Variants in NUDCD3 observed in about 807,000 individuals in gnomAD.
NUDCD3 encodes nudC domain-containing protein 3.
Under a neutral mutation model 39.7 loss-of-function variants are expected in NUDCD3, and 13 were observed. The observed-to-expected ratio is 0.33, with a 90% CI of 0.21 to 0.52. The LOEUF (loss-of-function observed/expected upper bound fraction) is 0.52. Ranked by LOEUF, NUDCD3 falls within the 20% of genes least tolerant of loss-of-function variation. The pLI, the probability that NUDCD3 is intolerant of heterozygous loss-of-function variation, is 0.96. For synonymous variants in NUDCD3, 175 were observed against 172.4 expected (o/e 1.02, Z -0.12); for missense variants, 453 against 458.1 (o/e 0.99, Z 0.10).
intron 2 of NUDCD3, among the ~76,000 whole-genome samples, chr7:44,476,021 A>C (rs1800361802): frequency 6.6e-6 from 1 of 152,192 alleles, no homozygotes; most frequent in South Asian, 2.1e-4. Context: ...GGTCTCATTC[A>C]ATCCTCACCA....
intron 2 of NUDCD3, among the ~76,000 whole-genome samples, chr7:44,473,081 G>C (rs1800288096): frequency 8.8e-6 from 1 of 113,698 alleles, no homozygotes; most frequent in African/African-American, 3.3e-5. Context: ...CACACCCCTT[G>C]GGGACTCATT....
chr7:44,427,419 G>A lies in NUDCD3; in HGVS notation c.642+152C>T, dbSNP rs1055486295. 39 of 793,168 alleles carry A rather than the reference G, an allele frequency of 4.9e-5. No individual in the cohort carries two copies. In the African/African-American group the frequency reaches 6.3e-4, roughly 13 times the overall value. 49.1% of individuals were successfully genotyped at this position (793,168 alleles called of 1,614,324 possible). On this transcript the variant is annotated intron_variant, in intron 3 of 5. Transcript: ENST00000355451. ...ACAGAATAAGGGGAGCAAGGATGGT[G>A]TGCTCAGCTCATTCCGAGGGCAGGA...
chr7:44,427,517 C>A, intron 3 of NUDCD3, 54 bp downstream of exon 3: 1 of 1,574,976 alleles, frequency 6.3e-7, no homozygotes, highest in Non-Finnish European at 8.6e-7. Context: ...TTCCCTGCAA[C>A]AGCTTTGACT....
rs1195004863 is a variant in NUDCD3 at position 44,381,118 on chromosome 7, T to A, written c.*4893A>T. The A allele has an allele frequency of 2.0e-5, 3 of 152,254 alleles. No homozygotes were observed. Among genetic ancestry groups the A allele is most frequent in the Non-Finnish European group, 2.9e-5 (2 of 68,106 alleles). The allele number at this position is 152,254 out of a possible 1,614,324, so 9.4% of individuals were successfully genotyped here. The stretch of plus-strand genomic sequence containing the variant: ...TTGATGGGTGATCAATGCTGGAGGA[T>A]CCTCCCTCTGCCTTCCCCATCCAAC... On this transcript the variant is annotated 3_prime_UTR_variant, in exon 6 of 6. Transcript: ENST00000355451.
Position 44,385,961 on chromosome 7 carries a change from G to C in NUDCD3, c.*50C>G. The C allele has an allele frequency of 1.1e-6, 1 of 931,502 alleles. No homozygotes were observed. Among genetic ancestry groups the C allele is most frequent in the Non-Finnish European group, 1.8e-6 (1 of 559,376 alleles). The allele number at this position is 931,502 out of a possible 1,614,324, so 57.7% of individuals were successfully genotyped here. On this transcript the variant is annotated 3_prime_UTR_variant, in exon 6 of 6. Coordinates refer to ENST00000355451, the MANE Select transcript of NUDCD3 (RefSeq NM_015332.4). ...GCAGGGAGCCAAGAAGGGCAGCCGA[G>C]GATAAGGCTCTGCCTCCCCACCGGC...
intron 2 of NUDCD3, among the ~76,000 whole-genome samples, chr7:44,445,624 G>A (rs977990931): frequency 5.9e-5 from 9 of 152,148 alleles, no homozygotes; most frequent in African/African-American, 1.9e-4. Flanking sequence ...AGGGGAGGAG[G>A]GGTGGGTTGT....
At chr7:44,461,438 T>C (rs947506448) in intron 2 of NUDCD3, among the ~76,000 whole-genome samples, 3 of 152,174 alleles carry the variant, frequency 2.0e-5, no homozygotes, top group Non-Finnish European at 4.4e-5. Flanking sequence ...AGAAGTCTTC[T>C]CTTAAAATCA....
chr7:44,403,623 G>A (rs1359554353), intron 4 of NUDCD3, among the ~76,000 whole-genome samples: 6 of 152,210 alleles, frequency 3.9e-5, no homozygotes, highest in Non-Finnish European at 5.9e-5. Context: ...CTGCCAGTCA[G>A]CACTGGCCAG....
chr7:44,417,215 A>G (rs1799045098), intron 3 of NUDCD3, among the ~76,000 whole-genome samples: 1 of 152,236 alleles, frequency 6.6e-6, no homozygotes, highest in Non-Finnish European at 1.5e-5. Context: ...CCTTGGTGAT[A>G]GTAGAGCCAC....
At chr7:44,392,256 G>C (rs1798531517) in intron 5 of NUDCD3, 41 bp downstream of exon 5, 1 of 1,580,296 alleles carries the variant, frequency 6.3e-7, no homozygotes, top group African/African-American at 1.3e-5. Context: ...ACCAGCACAA[G>C]GGCCTAAAGG....
chr7:44,448,137 T>C (rs796597807), intron 2 of NUDCD3, among the ~76,000 whole-genome samples: 22 of 152,362 alleles, frequency 1.4e-4, no homozygotes, highest in African/African-American at 5.1e-4. Flanking sequence ...TCTACTCCCA[T>C]GTGCCTTCAG....
At chr7:44,406,743 T>A (rs747187841) in intron 3 of NUDCD3, among the ~76,000 whole-genome samples, 11 of 151,936 alleles carry the variant, frequency 7.2e-5, no homozygotes, top group Admixed American at 1.3e-4. Context: ...GCAGGCATAA[T>A]AGGCATGAAG....
intron 3 of NUDCD3, among the ~76,000 whole-genome samples, chr7:44,412,479 C>T (rs943945029): frequency 6.6e-6 from 1 of 152,162 alleles, no homozygotes; most frequent in Non-Finnish European, 1.5e-5. Context: ...ACGCCTGTAT[C>T]TAATCAAATA....
At chr7:44,427,217 C>T (rs1213160030) in intron 3 of NUDCD3, among the ~76,000 whole-genome samples, 1 of 152,122 alleles carries the variant, frequency 6.6e-6, no homozygotes, top group East Asian at 1.9e-4. Context: ...TTTGAGTATT[C>T]CCTTGAAAAC....
intron 4 of NUDCD3, among the ~76,000 whole-genome samples, chr7:44,399,106 T>C (rs940710259): frequency 2.0e-5 from 3 of 152,228 alleles, no homozygotes; most frequent in African/African-American, 7.2e-5. Flanking sequence ...CGAGCTGCGT[T>C]CCTTTCCTCT....
chr7:44,458,823 G>A (rs987830612), intron 2 of NUDCD3, among the ~76,000 whole-genome samples: 1 of 152,200 alleles, frequency 6.6e-6, no homozygotes, highest in African/African-American at 2.4e-5. Context: ...TGTGCCATGT[G>A]CACTTGGTGT....
chr7:44,440,118 C>T (rs140086053), intron 2 of NUDCD3, among the ~76,000 whole-genome samples: 107 of 152,288 alleles, frequency 7.0e-4, no homozygotes, highest in African/African-American at 2.2e-3. Flanking sequence ...GAGGGGACAA[C>T]GGGCACATGA....
At chr7:44,429,344 T>G (rs541024304) in intron 2 of NUDCD3, among the ~76,000 whole-genome samples, 8 of 152,310 alleles carry the variant, frequency 5.3e-5, no homozygotes, top group South Asian at 2.1e-4. Context: ...CTATGACTGA[T>G]GTCCTTAAAA....
Position 44,419,497 on chromosome 7 carries a change from GCTAAGGGACAGACTGC to G in NUDCD3, c.642+8058_642+8073del, listed in dbSNP as rs536416197. 3.2e-3 allele frequency among the ~76,000 whole-genome samples: 493 copies of G among 152,320 alleles called. 4 individuals are homozygous for G. The highest frequency in any genetic ancestry group is 0.011 in the African/African-American group (457 of 41,570). On this transcript the variant is annotated intron_variant, in intron 3 of 5. Coordinates refer to ENST00000355451, the MANE Select transcript of NUDCD3 (RefSeq NM_015332.4). Reference sequence around the variant, plus strand: ...TCTCCCAGCACAGTGCTCGAGCTCTGCTAAGGGACAGACTGCCTCCTCAAGTGGGTCCCTGACCCCC... The same window carrying G: ...TCTCCCAGCACAGTGCTCGAGCTCTGCTCCTCAAGTGGGTCCCTGACCCCC...
Sources: gnomAD v4.1 joint callset for allele counts (sites outside exome capture counted in the v4.1 genomes callset) on GRCh38, gnomAD v4.1.1 for gene constraint, MANE v1.5 for transcripts, NCBI Gene and HGNC (gene_info 2026-07-23, HGNC 2026-07-21) for gene names.